The following USP8 variants were observed in gnomAD, a reference collection of about 807,000 sequenced individuals.
USP8 encodes the protein ubiquitin carboxyl-terminal hydrolase 8.
A neutral mutation model predicts 130.0 loss-of-function variants in USP8; 27 were observed. That is an observed-to-expected ratio of 0.21 (90% CI 0.15 to 0.29). The LOEUF (loss-of-function observed/expected upper bound fraction) is 0.29. USP8 is among the 10% of genes least tolerant of loss of function. USP8 has a pLI of 1.00. For synonymous variants in USP8, 392 were observed against 444.1 expected, an observed-to-expected ratio of 0.88 and a Z score of 1.48; for missense variants, 1,029 against 1,312.2, an observed-to-expected ratio of 0.78 and a Z score of 3.33.
intron 12 of USP8, among the ~76,000 whole-genome samples, chr15:50,488,451 C>G (rs1007121874): frequency 1.3e-5 from 2 of 151,984 alleles, no homozygotes; most frequent in East Asian, 3.9e-4. Flanking sequence ...GCTCACCTGA[C>G]CACCTGGGCT....
chr15:50,436,402 C>T (rs182489484), intron 1 of USP8, among the ~76,000 whole-genome samples: 8 of 152,240 alleles, frequency 5.3e-5, no homozygotes, highest in Admixed American at 3.9e-4. Context: ...TTTTCTTATA[C>T]TGTAATATTT....
chr15:50,477,877 G>A (rs1057109310), intron 10 of USP8, among the ~76,000 whole-genome samples: 5 of 151,600 alleles, frequency 3.3e-5, no homozygotes, highest in African/African-American at 9.7e-5. Context: ...GTATAGAAAC[G>A]AAGTTTAATA....
intron 7 of USP8, among the ~76,000 whole-genome samples, chr15:50,465,669 G>A (rs1448169440): frequency 6.6e-6 from 1 of 152,150 alleles, no homozygotes; most frequent in East Asian, 1.9e-4. Flanking sequence ...TGAATCGTAT[G>A]TACCAAATTG....
At chr15:50,476,827 A>T in intron 8 of USP8, 22 bp from the exon 9 acceptor site, 1 of 1,533,098 alleles carries the variant, frequency 6.5e-7, no homozygotes, top group Non-Finnish European at 8.7e-7. Context: ...CCCTATTTAA[A>T]ATATGATTTC....
intron 3 of USP8, among the ~76,000 whole-genome samples, chr15:50,447,523 G>A (rs555712052): frequency 7.5e-4 from 114 of 152,092 alleles, no homozygotes; most frequent in African/African-American, 2.7e-3. Flanking sequence ...TTACATGTGT[G>A]AGCCCCTGCA....
rs1394504693 is a variant in USP8 at position 50,503,663 on chromosome 15, G to C, written c.*4575G>C. 6.6e-6 allele frequency: 1 copy of C among 152,090 alleles called. No homozygotes were observed. The highest frequency in any genetic ancestry group is 1.9e-4 in the East Asian group (1 of 5,194). 9.4% of individuals were successfully genotyped at this position (152,090 alleles called of 1,614,324 possible). ...ATAGACCTACCTTTTCACCAGTTTG[G>C]GATTCAAATTTATACTACCTGTGTG... is the stretch of plus-strand genomic sequence containing the variant. On this transcript the variant is annotated 3_prime_UTR_variant, in exon 20 of 20. Coordinates refer to ENST00000307179, the MANE Select transcript of USP8 (RefSeq NM_005154.5).
At chr15:50,434,708 C>T (rs1311133597) in intron 1 of USP8, among the ~76,000 whole-genome samples, 1 of 152,038 alleles carries the variant, frequency 6.6e-6, no homozygotes, top group Admixed American at 6.6e-5. Context: ...CCTCCACCTC[C>T]TGGGTTCAAG....
chr15:50,449,929 T>G (rs1264264777), intron 4 of USP8, among the ~76,000 whole-genome samples: 5 of 126,090 alleles, frequency 4.0e-5, no homozygotes, highest in Admixed American at 1.8e-4. Context: ...GGAGTCTCAC[T>G]GTTGCCCAGG....
intron 3 of USP8, among the ~76,000 whole-genome samples, chr15:50,448,106 C>T (rs1474825381): frequency 6.6e-6 from 1 of 152,096 alleles, no homozygotes; most frequent in Non-Finnish European, 1.5e-5. Context: ...CATCAGTAAT[C>T]TAGAAGTTAT....
intron 7 of USP8, among the ~76,000 whole-genome samples, chr15:50,466,520 G>A (rs528223894): frequency 1.9e-4 from 29 of 151,958 alleles, no homozygotes; most frequent in African/African-American, 4.6e-4. Context: ...GCATGAACCC[G>A]GGAGGCGGAG....
chr15:50,433,618 AT>A (rs1022020137), intron 1 of USP8, among the ~76,000 whole-genome samples: 1 of 150,482 alleles, frequency 6.6e-6, no homozygotes, highest in Non-Finnish European at 1.5e-5. Context: ...TTATTTATTT[AT>A]TTTTTTTTGA....
rs141305250 is a variant in USP8 at position 50,455,210 on chromosome 15, G to A, written c.336-3790G>A. 6.6e-5 allele frequency among the ~76,000 whole-genome samples: 10 copies of A among 151,224 alleles called. 1 individual carries two copies. Among genetic ancestry groups the A allele is most frequent in the African/African-American group, 2.2e-4 (9 of 41,342 alleles). On this transcript the variant is annotated intron_variant, in intron 4 of 19. Transcript: ENST00000307179. The stretch of plus-strand genomic sequence containing the variant: ...CCCGCCTTCACCTCCTGAACAACTG[G>A]AACTACAGATGCACACCACCAGGCC...
At chr15:50,449,590 T>C in intron 4 of USP8, 105 bp downstream of exon 4, 1 of 853,610 alleles carries the variant, frequency 1.2e-6, no homozygotes, top group African/African-American at 1.8e-5. Flanking sequence ...ATTCCAATTT[T>C]TTTTTGAGAC....
In USP8 at chr15:50,489,884, A is replaced by G. The variant is rs2052096705; in HGVS notation, c.1971+3A>G. The G allele has an allele frequency of 1.3e-6, 2 of 1,570,524 alleles. No individual in the cohort carries two copies. The highest frequency in any genetic ancestry group is 1.7e-6 in the Non-Finnish European group (2 of 1,162,760). ...GACTGCCTTCAGGCTGGGCCAAGGT[A>G]AAAGTCAGAATTAGCAGTAAAATAG... On this transcript the variant is annotated splice_donor_region_variant and intron_variant, in intron 13 of 19. Coordinates refer to ENST00000307179, the MANE Select transcript of USP8 (RefSeq NM_005154.5).
Position 50,503,120 on chromosome 15 carries a change from G to A in USP8, c.*4032G>A, listed in dbSNP as rs2052614320. ...CCCAGCACTTTGGGAGGCTGAGGCA[G>A]GCGGATCACTTGAGGTCAGGAGTTT... On this transcript the variant is annotated 3_prime_UTR_variant, in exon 20 of 20. Coordinates refer to ENST00000307179, the MANE Select transcript of USP8 (RefSeq NM_005154.5). 1 of 152,266 alleles carries A rather than the reference G, an allele frequency of 6.6e-6. No homozygotes were observed. The highest frequency in any genetic ancestry group is 6.5e-5 in the Admixed American group (1 of 15,294). 9.4% of individuals were successfully genotyped at this position (152,266 alleles called of 1,614,324 possible).
intron 1 of USP8, among the ~76,000 whole-genome samples, chr15:50,435,153 T>C (rs1386272991): frequency 6.6e-6 from 1 of 151,948 alleles, no homozygotes; most frequent in Non-Finnish European, 1.5e-5. Flanking sequence ...TTCAGATTTC[T>C]TTAATGGCAA....
At chr15:50,445,611 GGAGGCA>G (rs1355510183) in intron 3 of USP8, among the ~76,000 whole-genome samples, 1 of 140,102 alleles carries the variant, frequency 7.1e-6, no homozygotes, top group African/African-American at 2.7e-5. Flanking sequence ...CAGCACTTTG[GGAGGCA>G]GAGGCAGGTG....
intron 14 of USP8, 43 bp from the exon 15 acceptor site, chr15:50,492,658 T>C: frequency 6.3e-7 from 1 of 1,593,812 alleles, no homozygotes; most frequent in Non-Finnish European, 8.5e-7. Flanking sequence ...TAATTTCATA[T>C]GCTCAGCATT....
rs57125859 is a variant in USP8, at chr15:50,509,132, C to CAAAAAAAAAAA, written c.*10063_*10073dup. ...TGGGCGACAGAGCGAGACTCCGTCACAAAAAAAAAAAAAAAAAAAAAAAAA... is the reference window on the plus strand; with the variant it reads ...TGGGCGACAGAGCGAGACTCCGTCACAAAAAAAAAAAAAAAAAAAAAAAAAAAAAAAAAAAA... On this transcript the variant is annotated 3_prime_UTR_variant, in exon 20 of 20. Coordinates refer to ENST00000307179, the MANE Select transcript of USP8 (RefSeq NM_005154.5). The CAAAAAAAAAAA allele has an allele frequency of 2.7e-4, 11 of 41,366 alleles. No individual in the cohort carries two copies. Among genetic ancestry groups the CAAAAAAAAAAA allele is most frequent in the Admixed American group, 5.0e-4 (1 of 1,998 alleles). The allele number at this position is 41,366 out of a possible 1,614,324, so 2.6% of individuals were successfully genotyped here.
Sources: gnomAD v4.1 joint callset for allele counts (sites outside exome capture counted in the v4.1 genomes callset) on GRCh38, gnomAD v4.1.1 for gene constraint, MANE v1.5 for transcripts, NCBI Gene and HGNC (gene_info 2026-07-23, HGNC 2026-07-21) for gene names.